Variants in IGSF11 observed in about 807,000 individuals in gnomAD.
The protein encoded by IGSF11 is immunoglobulin superfamily member 11.
A neutral mutation model predicts 41.0 loss-of-function variants in IGSF11; 22 were observed. The observed-to-expected ratio is 0.54, with a 90% CI of 0.38 to 0.77. IGSF11 has a LOEUF of 0.77. Among genes scored for constraint, IGSF11 ranks in the 30% least tolerant of loss-of-function variants. IGSF11 has a pLI of 0.00. For synonymous variants in IGSF11, 219 were observed against 201.3 expected, an observed-to-expected ratio of 1.09 and a Z score of -0.74; for missense variants, 444 against 530.8, an observed-to-expected ratio of 0.84 and a Z score of 1.61.
chr3:119,117,983 G>T (rs144970011), intron 1 of IGSF11, among the ~76,000 whole-genome samples: 1 of 152,354 alleles, frequency 6.6e-6, no homozygotes, highest in South Asian at 2.1e-4. Flanking sequence ...GGTTCCCATG[G>T]TCTTGGACAG....
intron 4 of IGSF11, among the ~76,000 whole-genome samples, chr3:118,911,119 G>A (rs1940219634): frequency 6.6e-6 from 1 of 151,888 alleles, no homozygotes; most frequent in Admixed American, 6.6e-5. Context: ...TTATGTGTGT[G>A]TGCACACACA....
chr3:119,108,810 T>C (rs2107515556), upstream of IGSF11, among the ~76,000 whole-genome samples: 1 of 145,470 alleles, frequency 6.9e-6, no homozygotes, highest in Admixed American at 7.0e-5. Flanking sequence ...GGTTGTTGAA[T>C]TTTGTCAAAG....
At chr3:119,024,391 G>C (rs918977827) in intron 1 of IGSF11, among the ~76,000 whole-genome samples, 23 of 152,118 alleles carry the variant, frequency 1.5e-4, no homozygotes, top group Admixed American at 1.0e-3. Flanking sequence ...AAAATTTAAT[G>C]ACCTGAAAAC....
chr3:119,010,330 CAAG>C (rs1306978752), intron 1 of IGSF11, among the ~76,000 whole-genome samples: 1 of 152,170 alleles, frequency 6.6e-6, no homozygotes, highest in African/African-American at 2.4e-5. Context: ...AGAAATACCA[CAAG>C]AAGGAGAAAA....
At position 119,053,264 on chromosome 3, in the gene IGSF11, T is replaced by A. The variant is rs944364146; in HGVS notation, c.49+51880A>T. Among the ~76,000 whole-genome samples, 6 of 152,288 alleles carry A rather than the reference T, an allele frequency of 3.9e-5. 1 individual carries two copies. The highest frequency in any genetic ancestry group is 3.9e-4 in the East Asian group (2 of 5,184). On this transcript the variant is annotated intron_variant, in intron 1 of 6. Coordinates refer to the IGSF11 transcript ENST00000354673. The stretch of plus-strand genomic sequence containing the variant: ...TATAGATCATATACTTAGAAAACCC[T>A]AAAGACTCTTCCAAAAAGCTCCTAG...
rs934045448 is a variant in IGSF11 at position 118,901,121 on chromosome 3, G to C, written c.*1399C>G. 1.3e-5 allele frequency: 2 copies of C among 152,450 alleles called. No individual in the cohort carries two copies. The highest frequency in any genetic ancestry group is 2.9e-5 in the Non-Finnish European group (2 of 68,030). 9.4% of individuals were successfully genotyped at this position (152,450 alleles called of 1,614,324 possible). On this transcript the variant is annotated 3_prime_UTR_variant, in exon 7 of 7. Coordinates refer to ENST00000393775, the MANE Select transcript of IGSF11 (RefSeq NM_001015887.3). Reference sequence around the variant, plus strand: ...GTAATCTAGGAAACAAATCTGAGAAGAAATTTGTGGGTTGCTTAAGTGTGG... The same window carrying C: ...GTAATCTAGGAAACAAATCTGAGAACAAATTTGTGGGTTGCTTAAGTGTGG...
At chr3:118,933,070 G>A (rs774350730) in intron 1 of IGSF11, among the ~76,000 whole-genome samples, 1 of 152,248 alleles carries the variant, frequency 6.6e-6, no homozygotes, top group Non-Finnish European at 1.5e-5. Context: ...CTCTGGGGCA[G>A]CAGAAGTTGT....
chr3:119,105,781 G>C (rs759976722), upstream of IGSF11, among the ~76,000 whole-genome samples: 1 of 152,064 alleles, frequency 6.6e-6, no homozygotes, highest in Non-Finnish European at 1.5e-5. Flanking sequence ...CCCATATCCA[G>C]GTCTTTCTCA....
chr3:119,141,898 AC>A (rs2077652163), intron 1 of IGSF11, among the ~76,000 whole-genome samples: 1 of 152,134 alleles, frequency 6.6e-6, no homozygotes, highest in South Asian at 2.1e-4. Flanking sequence ...GGGTAAAAAG[AC>A]TAAAATCATG....
At chr3:119,103,507 G>C (rs1401243511) in intron 1 of IGSF11, among the ~76,000 whole-genome samples, 2 of 152,040 alleles carry the variant, frequency 1.3e-5, no homozygotes, top group Non-Finnish European at 1.5e-5. Context: ...AAGGAGCTAA[G>C]ATCTTCCTTT....
At chr3:119,017,670 G>A (rs1435667) in intron 1 of IGSF11, among the ~76,000 whole-genome samples, 59,883 of 151,676 alleles carry the variant, frequency 0.39, 14,506 homozygotes, top group African/African-American at 0.68. Flanking sequence ...TTAATTATAT[G>A]ATGCACACTG....
At chr3:118,950,421 C>T (rs1014661968) in intron 1 of IGSF11, among the ~76,000 whole-genome samples, 3 of 151,952 alleles carry the variant, frequency 2.0e-5, no homozygotes, top group African/African-American at 7.3e-5. Context: ...TTGATTGCCA[C>T]GACGAGATAC....
intron 1 of IGSF11, among the ~76,000 whole-genome samples, chr3:119,052,237 C>T (rs1258954444): frequency 2.6e-5 from 4 of 151,950 alleles, no homozygotes; most frequent in East Asian, 3.9e-4. Context: ...CTCACCACTT[C>T]GGGAAGCCAA....
chr3:119,027,017 T>C (rs1251739943), intron 1 of IGSF11, among the ~76,000 whole-genome samples: 1 of 152,198 alleles, frequency 6.6e-6, no homozygotes, highest in Non-Finnish European at 1.5e-5. Flanking sequence ...AGCTTCATAA[T>C]ACTTAAAAGA....
intron 1 of IGSF11, among the ~76,000 whole-genome samples, chr3:119,045,437 G>A (rs11929539): frequency 0.016 from 2,363 of 152,318 alleles, 50 homozygotes; most frequent in African/African-American, 0.054. Context: ...CTTTTGCGAC[G>A]GGCTTAAAAA....
intron 1 of IGSF11, among the ~76,000 whole-genome samples, chr3:119,127,030 T>G (rs72953077): frequency 0.096 from 14,575 of 152,042 alleles, 985 homozygotes; most frequent in African/African-American, 0.17. Flanking sequence ...GAGGATCAGA[T>G]GAAAGAATTG....
At chr3:118,916,945 T>G (rs893384229) in intron 4 of IGSF11, among the ~76,000 whole-genome samples, 4 of 152,078 alleles carry the variant, frequency 2.6e-5, no homozygotes, top group Admixed American at 2.6e-4. Flanking sequence ...AACTCAGGAT[T>G]AAGAATCTCA....
At chr3:119,144,379 C>A (rs543037533) in intron 1 of IGSF11, among the ~76,000 whole-genome samples, 2 of 152,296 alleles carry the variant, frequency 1.3e-5, no homozygotes, top group Admixed American at 6.5e-5. Flanking sequence ...GAATATTCTC[C>A]AGGATAAACC....
chr3:119,075,549 C>T (rs563437733), intron 1 of IGSF11, among the ~76,000 whole-genome samples: 3 of 152,116 alleles, frequency 2.0e-5, no homozygotes, highest in African/African-American at 4.8e-5. Flanking sequence ...GCCAATATCC[C>T]TCATAAACGT....
Sources: gnomAD v4.1 joint callset for allele counts (sites outside exome capture counted in the v4.1 genomes callset) on GRCh38, gnomAD v4.1.1 for gene constraint, MANE v1.5 for transcripts, NCBI Gene and HGNC (gene_info 2026-07-23, HGNC 2026-07-21) for gene names.